Variants in CRB1 observed in about 807,000 individuals in gnomAD.
The protein encoded by CRB1 is crumbs cell polarity complex component 1.
CRB1 carries 83 observed loss-of-function variants against 120.0 expected under a neutral mutation model. The observed-to-expected ratio is 0.69, with a 90% CI of 0.58 to 0.83. The LOEUF (loss-of-function observed/expected upper bound fraction) is 0.83, where lower values mean the gene tolerates loss of function less well. Among genes scored for constraint, CRB1 ranks in the 40% least tolerant of loss-of-function variants. The pLI is 0.00. For missense variants in CRB1, 1,699 were observed against 1,687.6 expected, an observed-to-expected ratio of 1.01 and a Z score of -0.12; for synonymous variants, 625 against 612.5, an observed-to-expected ratio of 1.02 and a Z score of -0.30.
chr1:197,347,445 C>T lies in CRB1; in HGVS notation c.954C>T (p.Asp318=). The T allele has an allele frequency of 6.2e-7, 1 of 1,614,092 alleles. No individual in the cohort carries two copies. ...GTCACAATAATGCTACATGTGAGGACAGTGTTGACAATTACACTTGTCACT... is the reference window on the plus strand; with the variant it reads ...GTCACAATAATGCTACATGTGAGGATAGTGTTGACAATTACACTTGTCACT... ...KPCHNNATCE[D]SVDNYTCHCW... The change falls in exon 4 of 12, where the codon GAC becomes GAT. Residue 318 remains aspartate, a synonymous_variant. Coordinates refer to ENST00000367400, the MANE Select transcript of CRB1 (RefSeq NM_201253.3).
intron 1 of CRB1, among the ~76,000 whole-genome samples, chr1:197,288,555 A>G (rs1026280393): frequency 7.2e-5 from 11 of 152,032 alleles, no homozygotes; most frequent in South Asian, 2.1e-4. Context: ...TCCAGATGTT[A>G]GAATTACCAG....
chr1:197,250,527 A>G, the CRB1 span, among the ~76,000 whole-genome samples: 1 of 151,874 alleles, frequency 6.6e-6, no homozygotes, highest in Non-Finnish European at 1.5e-5. Flanking sequence ...TTTACATTAC[A>G]TTACATTACA....
chr1:197,434,205 C>T (rs1245124594), intron 8 of CRB1, among the ~76,000 whole-genome samples: 3 of 152,070 alleles, frequency 2.0e-5, no homozygotes, highest in Non-Finnish European at 4.4e-5. Flanking sequence ...CTTTTAACTG[C>T]CTACTCATCA....
At chr1:197,336,462 A>G (rs901904079) in intron 2 of CRB1, among the ~76,000 whole-genome samples, 1 of 152,166 alleles carries the variant, frequency 6.6e-6, no homozygotes, top group Non-Finnish European at 1.5e-5. Context: ...TCAAAGAAAA[A>G]TGGTTGTTTT....
In CRB1 at chr1:197,344,469, G is replaced by A. The variant is rs748039880; in HGVS notation, c.841G>A (p.Glu281Lys). ...CLHGGLCVDG[E>K]NRYSCNCTGS... The stretch of plus-strand genomic sequence containing the variant: ...CCATGGAGGGCTGTGTGTGGATGGA[G>A]AAAACAGGTACATTTTCTCTGGCGT... Residue 281 changes from glutamate (E) to lysine (K), a missense_variant, in exon 3 of 12, where the codon GAA (glutamate) becomes AAA (lysine). Glu to Lys is a moderately conservative substitution (Grantham distance 56). Transcript: ENST00000367400. The A allele has an allele frequency of 6.2e-7, 1 of 1,613,998 alleles. No homozygotes were observed. Among genetic ancestry groups the A allele is most frequent in the Non-Finnish European group, 8.5e-7 (1 of 1,179,896 alleles).
At chr1:197,358,094 G>A (rs1305092839) in intron 5 of CRB1, 1 of 152,124 alleles carries the variant, frequency 6.6e-6, no homozygotes, top group Non-Finnish European at 1.5e-5. Flanking sequence ...TCCCAATTAT[G>A]TAAGCTGCTA....
At chr1:197,244,856 T>G in the CRB1 span, among the ~76,000 whole-genome samples, 2 of 152,042 alleles carry the variant, frequency 1.3e-5, no homozygotes, top group African/African-American at 4.8e-5. Context: ...TTAGTGTATT[T>G]TTTTCCTTCT....
chr1:197,297,616 G>A (rs1656608810), intron 1 of CRB1, among the ~76,000 whole-genome samples: 1 of 152,134 alleles, frequency 6.6e-6, no homozygotes, highest in East Asian at 1.9e-4. Flanking sequence ...GGATGTGCTA[G>A]AGATTACAAC....
the CRB1 span, among the ~76,000 whole-genome samples, chr1:197,260,027 G>A: frequency 6.6e-6 from 1 of 151,796 alleles, no homozygotes; most frequent in Non-Finnish European, 1.5e-5. Context: ...ATGGAGCCTG[G>A]CTGTAATCCC....
At chr1:197,287,913 A>G (rs1240685068) in intron 1 of CRB1, among the ~76,000 whole-genome samples, 1 of 151,876 alleles carries the variant, frequency 6.6e-6, no homozygotes, top group African/African-American at 2.4e-5. Context: ...ATATGAAACA[A>G]TGGTTTCCGA....
intron 1 of CRB1, among the ~76,000 whole-genome samples, chr1:197,305,400 T>C (rs542421572): frequency 1.3e-5 from 2 of 152,198 alleles, no homozygotes; most frequent in South Asian, 4.1e-4. Context: ...TAAAATAGAG[T>C]ATACATATAT....
the CRB1 span, among the ~76,000 whole-genome samples, chr1:197,231,377 C>T: frequency 3.9e-5 from 6 of 152,240 alleles, no homozygotes; most frequent in Admixed American, 3.3e-4. Context: ...CACTGCCAGA[C>T]TCCTCTTATA....
intron 1 of CRB1, among the ~76,000 whole-genome samples, chr1:197,300,921 T>C (rs551905603): frequency 2.6e-5 from 4 of 152,110 alleles, no homozygotes; most frequent in African/African-American, 7.2e-5. Context: ...ATCTACTATG[T>C]CTGTGCTCCA....
chr1:197,294,590 TA>T (rs1656402651), intron 1 of CRB1, among the ~76,000 whole-genome samples: 1 of 152,120 alleles, frequency 6.6e-6, no homozygotes, highest in African/African-American at 2.4e-5. Flanking sequence ...CATGCTGCTA[TA>T]AAGACACATG....
intron 11 of CRB1, among the ~76,000 whole-genome samples, chr1:197,457,354 A>G (rs952465084): frequency 9.9e-5 from 15 of 152,124 alleles, no homozygotes; most frequent in African/African-American, 3.6e-4. Context: ...TCCTCATTTT[A>G]TTGATGAGAA....
At chr1:197,227,172 A>G in the CRB1 span, among the ~76,000 whole-genome samples, 2 of 152,142 alleles carry the variant, frequency 1.3e-5, no homozygotes, top group African/African-American at 4.8e-5. Flanking sequence ...CATTAAGCCA[A>G]AAGTCCACAG....
intron 5 of CRB1, among the ~76,000 whole-genome samples, chr1:197,373,736 T>A (rs927970824): frequency 6.6e-6 from 1 of 152,138 alleles, no homozygotes. Context: ...ATTCCATATC[T>A]CAATGATGCC....
At chr1:197,228,377 A>G in the CRB1 span, among the ~76,000 whole-genome samples, 13 of 152,234 alleles carry the variant, frequency 8.5e-5, no homozygotes, top group East Asian at 2.5e-3. Flanking sequence ...AATTTCTTCC[A>G]CCAGATACCT....
At chr1:197,472,281 A>C (rs1667015433) in intron 11 of CRB1, among the ~76,000 whole-genome samples, 1 of 152,228 alleles carries the variant, frequency 6.6e-6, no homozygotes, top group Non-Finnish European at 1.5e-5. Flanking sequence ...AAAGACTTGA[A>C]GTAATTCATT....
Sources: allele counts gnomAD v4.1 joint callset (sites outside exome capture counted in the v4.1 genomes callset), GRCh38; gene constraint gnomAD v4.1.1; transcripts MANE v1.5; gene names NCBI Gene and HGNC (gene_info 2026-07-23, HGNC 2026-07-21).